Variants in CD36 observed in about 807,000 individuals in gnomAD.
CD36 encodes the protein CD36 molecule (CD36 blood group), also known as platelet glycoprotein 4.
A neutral mutation model predicts 55.2 loss-of-function variants in CD36; 119 were observed. The ratio of observed to expected loss-of-function variants is 2.15; its 90% confidence interval spans 1.86 to 2.51. The LOEUF (loss-of-function observed/expected upper bound fraction) is 2.51. Among genes scored for constraint, CD36 ranks in the 30% most tolerant of loss-of-function variants. The pLI, the probability that CD36 is intolerant of heterozygous loss-of-function variation, is 0.00. For synonymous variants in CD36, 186 were observed against 193.6 expected, an observed-to-expected ratio of 0.96 and a Z score of 0.33; for missense variants, 819 against 555.5, an observed-to-expected ratio of 1.47 and a Z score of -4.77.
At chr7:80,623,024 C>G (rs1239165236) in intron 1 of CD36, among the ~76,000 whole-genome samples, 1 of 146,574 alleles carries the variant, frequency 6.8e-6, no homozygotes, top group African/African-American at 2.5e-5. Context: ...TTTTTTTACT[C>G]TATTATGTAA....
chr7:80,661,372 C>T (rs1252497239), intron 5 of CD36, among the ~76,000 whole-genome samples, 162 bp downstream of exon 5: 1 of 151,976 alleles, frequency 6.6e-6, no homozygotes, highest in East Asian at 1.9e-4. Context: ...TGGAAAGTGA[C>T]AAAATCATAA....
chr7:80,667,361 T>C (rs1584445063), intron 8 of CD36, among the ~76,000 whole-genome samples: 1 of 135,492 alleles, frequency 7.4e-6, no homozygotes, highest in African/African-American at 2.8e-5. Flanking sequence ...TTCCAGGAGG[T>C]GGAGGCTGCA....
At chr7:80,617,273 A>G (rs1793215704) in intron 1 of CD36, among the ~76,000 whole-genome samples, 1 of 152,090 alleles carries the variant, frequency 6.6e-6, no homozygotes, top group African/African-American at 2.4e-5. Context: ...AAAATCACTA[A>G]TGCGTACTAG....
In CD36 at chr7:80,674,273, T is replaced by C. The variant is rs1798048368; in HGVS notation, c.*126T>C. 3 of 670,688 alleles carry C rather than the reference T, an allele frequency of 4.5e-6. No individual in the cohort carries two copies. In the Admixed American group the frequency reaches 7.7e-5, roughly 17 times the overall value. 41.5% of individuals were successfully genotyped at this position (670,688 alleles called of 1,614,324 possible). ...CTAGACATGTCTAGCCACTGATCAT[T>C]TTTAAATATAGGTAAATAAACCTAT... On this transcript the variant is annotated intron_variant, in intron 14 of 14. Coordinates refer to ENST00000447544, the MANE Select transcript of CD36 (RefSeq NM_001001548.3).
intron 12 of CD36, 112 bp downstream of exon 12, chr7:80,672,955 T>TAAAGA (rs1797859483): frequency 2.7e-6 from 2 of 745,894 alleles, no homozygotes; most frequent in African/African-American, 3.5e-5. Flanking sequence ...TGATATCAAC[T>TAAAGA]TATCTTTAGC....
intron 13 of CD36, 35 bp downstream of exon 13, chr7:80,673,444 CCTT>C (rs757320053): frequency 7.0e-5 from 87 of 1,244,124 alleles, no homozygotes; most frequent in Non-Finnish European, 9.4e-5. Context: ...TTAAAAACAA[CCTT>C]CTTTGTATAT....
At chr7:80,641,444 T>A (rs2116311323) in intron 1 of CD36, among the ~76,000 whole-genome samples, 1 of 152,186 alleles carries the variant, frequency 6.6e-6, no homozygotes, top group African/African-American at 2.4e-5. Context: ...AAACTAGATT[T>A]TATGGACAGA....
chr7:80,635,297 A>C (rs1794329096), upstream of CD36, among the ~76,000 whole-genome samples: 1 of 117,280 alleles, frequency 8.5e-6, no homozygotes, highest in Non-Finnish European at 1.9e-5. Context: ...TTTTTGAGAC[A>C]GAGTCTCACT....
At chr7:80,622,726 C>T (rs1452895028) in intron 1 of CD36, among the ~76,000 whole-genome samples, 2 of 152,120 alleles carry the variant, frequency 1.3e-5, no homozygotes, top group African/African-American at 2.4e-5. Context: ...TATTTATATC[C>T]GAACAAATGT....
At chr7:80,604,910 T>C (rs1388880326) in intron 1 of CD36, among the ~76,000 whole-genome samples, 2 of 152,170 alleles carry the variant, frequency 1.3e-5, no homozygotes, top group African/African-American at 2.4e-5. Flanking sequence ...TTCAGTCTAA[T>C]TGAAATTCAT....
chr7:80,662,955 T>G (rs774363575), intron 5 of CD36, 35 bp from the exon 6 acceptor site: 1 of 1,504,614 alleles, frequency 6.6e-7, no homozygotes. Context: ...TCTAATATTG[T>G]ATTCTTGTCT....
intron 1 of CD36, among the ~76,000 whole-genome samples, chr7:80,616,455 ACG>A (rs1196169502): frequency 2.9e-5 from 3 of 103,040 alleles, no homozygotes; most frequent in East Asian, 8.2e-4. Flanking sequence ...GTGTGCCTGC[ACG>A]CACACACACA....
intron 11 of CD36, 74 bp downstream of exon 11, chr7:80,672,114 G>GATGATTATTTATTCAATAAAT (rs1245835753): frequency 1.1e-5 from 13 of 1,183,924 alleles, no homozygotes; most frequent in African/African-American, 1.5e-5. Flanking sequence ...TAATCTTGTC[G>GATGATTATTTATTCAATAAAT]ATGATTATTT....
At chr7:80,613,736 T>C (rs1222085486) in intron 1 of CD36, among the ~76,000 whole-genome samples, 2 of 152,192 alleles carry the variant, frequency 1.3e-5, no homozygotes, top group African/African-American at 4.8e-5. Context: ...GTTTTGATTC[T>C]TAAATTTGAA....
chr7:80,603,300 G>T (rs1354043101), intron 1 of CD36, among the ~76,000 whole-genome samples: 1 of 152,142 alleles, frequency 6.6e-6, no homozygotes, highest in Non-Finnish European at 1.5e-5. Flanking sequence ...CCCTGGAAAA[G>T]AATTAGATAG....
rs1795433417 is a variant in CD36, at chr7:80,649,468, CTGGTCTGGCA to C, written c.120+2613_120+2622del. 2.8e-5 allele frequency among the ~76,000 whole-genome samples: 4 copies of C among 141,514 alleles called. 1 individual carries two copies. In the South Asian group the frequency reaches 9.6e-4, roughly 34 times the overall value. 92.8% of individuals were successfully genotyped at this position (141,514 alleles called of 152,430 possible). ...TGCACATTATATAACAAAAGGCACA[CTGGTCTGGCA>C]TGGTTGAGTATATAGAAAAAAAAAA... On this transcript the variant is annotated intron_variant, in intron 3 of 14. Coordinates refer to ENST00000447544, the MANE Select transcript of CD36 (RefSeq NM_001001548.3).
At chr7:80,635,812 A>G (rs1302507734), upstream of CD36, among the ~76,000 whole-genome samples, 1 of 152,150 alleles carries the variant, frequency 6.6e-6, no homozygotes, top group Non-Finnish European at 1.5e-5. Flanking sequence ...TATCCATGGT[A>G]TGAAGAAGCA....
chr7:80,652,020 T>C (rs1795665706), intron 3 of CD36, among the ~76,000 whole-genome samples: 1 of 152,136 alleles, frequency 6.6e-6, no homozygotes, highest in African/African-American at 2.4e-5. Context: ...TAAAATAATT[T>C]GTACTTTTTC....
At position 80,677,600 on chromosome 7, in the gene CD36, A is replaced by G. The variant is rs1798201635; in HGVS notation, c.*1217A>G. 1 of 152,188 alleles carries G rather than the reference A, an allele frequency of 6.6e-6. No individual in the cohort carries two copies. Among genetic ancestry groups the G allele is most frequent in the Admixed American group, 6.5e-5 (1 of 15,272 alleles). The allele number at this position is 152,188 out of a possible 1,614,324, so 9.4% of individuals were successfully genotyped here. ...CCTTTCCTTTTAACTGGGAAGATAA[A>G]AGAAGTATCTGTCCAAGATATTAAT... is the stretch of plus-strand genomic sequence containing the variant. On this transcript the variant is annotated 3_prime_UTR_variant, in exon 15 of 15. Transcript: ENST00000447544.
Sources: gnomAD v4.1 joint callset for allele counts (sites outside exome capture counted in the v4.1 genomes callset) on GRCh38, gnomAD v4.1.1 for gene constraint, MANE v1.5 for transcripts, NCBI Gene and HGNC (gene_info 2026-07-23, HGNC 2026-07-21) for gene names.